The following RPGRIP1 variants were observed in gnomAD, a reference collection of about 807,000 sequenced individuals.
RPGRIP1 encodes RPGR interacting protein 1, also known as X-linked retinitis pigmentosa GTPase regulator-interacting protein 1.
In RPGRIP1, 128 loss-of-function variants were observed where a neutral mutation model predicts 157.9. The observed-to-expected ratio is 0.81, with a 90% CI of 0.70 to 0.94. RPGRIP1 has a LOEUF of 0.94. RPGRIP1 is among the 40% of genes least tolerant of loss of function. RPGRIP1 has a pLI of 0.00. For missense variants in RPGRIP1, 1,486 were observed against 1,545.8 expected (o/e 0.96, Z 0.65); for synonymous variants, 554 against 571.6 (o/e 0.97, Z 0.44).
At chr14:21,294,613 C>T in intron 2 of RPGRIP1, 64 bp from the exon 3 acceptor site, 1 of 1,490,640 alleles carries the variant, frequency 6.7e-7, no homozygotes, top group Non-Finnish European at 9.3e-7. Context: ...TGTGATGAGA[C>T]ATCTAAAGGG....
chr14:21,347,089 A>C (rs1885643420), intron 23 of RPGRIP1, among the ~76,000 whole-genome samples: 1 of 151,778 alleles, frequency 6.6e-6, no homozygotes, highest in South Asian at 2.1e-4. Flanking sequence ...CATTTCCAGA[A>C]CTCTCTCTTC....
rs533666863 is a variant in RPGRIP1 at position 21,290,744 on chromosome 14, G to A, written c.85+2683G>A. Among the ~76,000 whole-genome samples the A allele has an allele frequency of 4.6e-5, 7 of 151,866 alleles. No homozygotes were observed. In the East Asian group the frequency reaches 7.8e-4, roughly 17 times the overall value. ...TGAGGCAGGAGAATGGCGTGAACCC[G>A]GGAGGCGGTGCTTGCAGTGAGCCGA... On this transcript the variant is annotated intron_variant, in intron 2 of 24. Transcript: ENST00000400017.
At chr14:21,344,083 A>T (rs2139343838) in intron 22 of RPGRIP1, among the ~76,000 whole-genome samples, 1 of 150,728 alleles carries the variant, frequency 6.6e-6, no homozygotes, top group Middle Eastern at 3.4e-3. Flanking sequence ...CCTATCTCGG[A>T]CCTTAAAAGT....
chr14:21,325,168 T>C, intron 15 of RPGRIP1, 64 bp from the exon 16 acceptor site: 2 of 1,546,802 alleles, frequency 1.3e-6, no homozygotes, highest in South Asian at 2.5e-5. Flanking sequence ...TCTTCCTTTG[T>C]CTTGTTCTTG....
intron 21 of RPGRIP1, among the ~76,000 whole-genome samples, chr14:21,341,935 A>C (rs1388196995): frequency 6.6e-6 from 1 of 151,984 alleles, no homozygotes; most frequent in African/African-American, 2.4e-5. Context: ...CTGTAGTCCC[A>C]GCTACTCGGG....
chr14:21,311,102 C>T (rs1396322830), intron 8 of RPGRIP1, among the ~76,000 whole-genome samples: 1 of 152,150 alleles, frequency 6.6e-6, no homozygotes, highest in Non-Finnish European at 1.5e-5. Flanking sequence ...AGGAGTCCGC[C>T]AGAAACACAC....
At chr14:21,329,404 C>T (rs755138657) in intron 19 of RPGRIP1, among the ~76,000 whole-genome samples, 1 of 152,036 alleles carries the variant, frequency 6.6e-6, no homozygotes, top group Non-Finnish European at 1.5e-5. Context: ...TAACAAACCC[C>T]TGGACTGTTC....
At chr14:21,342,004 C>T (rs1425788053) in intron 21 of RPGRIP1, among the ~76,000 whole-genome samples, 1 of 150,322 alleles carries the variant, frequency 6.7e-6, no homozygotes, top group African/African-American at 2.5e-5. Context: ...GAGCCGAGAT[C>T]GTGCCACTGC....
intron 10 of RPGRIP1, among the ~76,000 whole-genome samples, chr14:21,316,815 G>T (rs771807482): frequency 3.9e-5 from 6 of 152,080 alleles, no homozygotes; most frequent in Non-Finnish European, 8.8e-5. Flanking sequence ...TCATTTGTAT[G>T]AATGACCAAG....
At chr14:21,324,177 A>C in intron 14 of RPGRIP1, 1 of 227,212 alleles carries the variant, frequency 4.4e-6, no homozygotes, top group Admixed American at 5.2e-5. Context: ...GTGGGACTCA[A>C]TGTAATGTCA....
In RPGRIP1 at chr14:21,351,095, T is replaced by G; in HGVS notation, c.3749-9T>G. 1 of 1,566,528 alleles carries G rather than the reference T, an allele frequency of 6.4e-7. No homozygotes were observed. Among genetic ancestry groups the G allele is most frequent in the Non-Finnish European group, 8.8e-7 (1 of 1,142,806 alleles). On this transcript the variant is annotated splice_polypyrimidine_tract_variant and intron_variant, in intron 24 of 24. Transcript: ENST00000400017. ...CTGAGTGATGCTGTTTTTTTCCCTT[T>G]CCCAACAGTTGTTAGCCCTGAAGAT...
At chr14:21,308,432 G>A (rs4982439) in intron 7 of RPGRIP1, among the ~76,000 whole-genome samples, 81,963 of 151,746 alleles carry the variant, frequency 0.54, 22,170 homozygotes, top group South Asian at 0.61. Context: ...AAGATTCCAA[G>A]GGTAAGTAAG....
At chr14:21,345,733 C>A (rs1010026725) in intron 23 of RPGRIP1, among the ~76,000 whole-genome samples, 1 of 152,086 alleles carries the variant, frequency 6.6e-6, no homozygotes, top group Non-Finnish European at 1.5e-5. Context: ...GTTCATTTCT[C>A]ACCCATGCCA....
chr14:21,289,171 C>CAA (rs1880419501), intron 2 of RPGRIP1, among the ~76,000 whole-genome samples: 2 of 151,980 alleles, frequency 1.3e-5, no homozygotes, highest in South Asian at 4.2e-4. Flanking sequence ...ACTAAAAATA[C>CAA]AAAAAAATTA....
chr14:21,350,391 A>AAAAAAAAAC (rs61359212), intron 24 of RPGRIP1, among the ~76,000 whole-genome samples: 3 of 142,788 alleles, frequency 2.1e-5, no homozygotes, highest in African/African-American at 7.9e-5. Flanking sequence ...AAAAAAAAAA[A>AAAAAAAAAC]AAAAAGAAAA....
At chr14:21,328,744 C>T (rs113913323) in intron 19 of RPGRIP1, 117 bp downstream of exon 19, 57 of 743,502 alleles carry the variant, frequency 7.7e-5, no homozygotes, top group African/African-American at 6.0e-4. Context: ...ACTAATCGGC[C>T]GGGCATGGTG....
intron 2 of RPGRIP1, among the ~76,000 whole-genome samples, chr14:21,290,833 GGAAA>G (rs1373168397): frequency 6.6e-5 from 8 of 120,444 alleles, no homozygotes; most frequent in Non-Finnish European, 1.1e-4. Flanking sequence ...AAAAAAAAAA[GGAAA>G]GAAAGAAAGA....
intron 10 of RPGRIP1, 110 bp from the exon 11 acceptor site, chr14:21,317,585 TG>T: frequency 6.5e-7 from 1 of 1,541,356 alleles, no homozygotes; most frequent in Non-Finnish European, 8.7e-7. Context: ...GAAAAAAACA[TG>T]TAGGGGAGAG....
chr14:21,285,579 T>C (rs1158462716), intron 1 of RPGRIP1, among the ~76,000 whole-genome samples: 2 of 143,676 alleles, frequency 1.4e-5, no homozygotes, highest in African/African-American at 5.2e-5. Flanking sequence ...CACTCCAGCC[T>C]GGGTGACAGA....
Sources: gnomAD v4.1 joint callset for allele counts (sites outside exome capture counted in the v4.1 genomes callset) on GRCh38, gnomAD v4.1.1 for gene constraint, MANE v1.5 for transcripts, NCBI Gene and HGNC (gene_info 2026-07-23, HGNC 2026-07-21) for gene names.